The following PRKCB variants were observed in gnomAD, a reference collection of about 807,000 sequenced individuals.
PRKCB encodes the protein protein kinase C beta.
A neutral mutation model predicts 81.5 loss-of-function variants in PRKCB; 13 were observed. That is an observed-to-expected ratio of 0.16 (90% CI 0.10 to 0.25). The LOEUF (loss-of-function observed/expected upper bound fraction) is 0.25, where lower values mean the gene tolerates loss of function less well. Ranked by LOEUF, PRKCB falls within the 10% of genes least tolerant of loss-of-function variation. PRKCB has a pLI of 1.00. For synonymous variants in PRKCB, 335 were observed against 321.4 expected, an observed-to-expected ratio of 1.04 and a Z score of -0.45; for missense variants, 509 against 875.7, an observed-to-expected ratio of 0.58 and a Z score of 5.29.
chr16:24,066,410 T>A (rs1966035290), intron 5 of PRKCB, among the ~76,000 whole-genome samples: 1 of 152,190 alleles, frequency 6.6e-6, no homozygotes, highest in Admixed American at 6.6e-5. Flanking sequence ...ATGCATTGAG[T>A]TATTAATTTT....
chr16:24,219,698 A>T lies in PRKCB; in HGVS notation c.*4882A>T. 1 of 1,281,784 alleles carries T rather than the reference A, an allele frequency of 7.8e-7. No homozygotes were observed. Among genetic ancestry groups the T allele is most frequent in the Non-Finnish European group, 9.9e-7 (1 of 1,008,310 alleles). 79.4% of individuals were successfully genotyped at this position (1,281,784 alleles called of 1,614,324 possible). A position where few individuals can be genotyped will look rare whatever the true frequency, so the allele number is the denominator to read the frequency against. The stretch of plus-strand genomic sequence containing the variant: ...CACACACACACACACACACACACAC[A>T]CACACCACTTTATGGCAATTCTTAA... On this transcript the variant is annotated 3_prime_UTR_variant, in exon 17 of 17. Coordinates refer to ENST00000643927, the MANE Select transcript of PRKCB (RefSeq NM_002738.7).
intron 9 of PRKCB, among the ~76,000 whole-genome samples, chr16:24,138,497 A>G (rs992254854): frequency 2.6e-5 from 4 of 152,352 alleles, no homozygotes; most frequent in Admixed American, 6.5e-5. Flanking sequence ...CAAATATAAC[A>G]TAGGATTCAA....
At chr16:24,008,232 A>G (rs903601524) in intron 3 of PRKCB, among the ~76,000 whole-genome samples, 9 of 152,296 alleles carry the variant, frequency 5.9e-5, no homozygotes, top group Non-Finnish European at 1.3e-4. Flanking sequence ...CTATGCTCTT[A>G]CCTAGTACCT....
chr16:24,084,067 C>T (rs1428219546), intron 5 of PRKCB, among the ~76,000 whole-genome samples: 2 of 151,894 alleles, frequency 1.3e-5, no homozygotes, highest in African/African-American at 4.8e-5. Flanking sequence ...TAGAGGAGTG[C>T]CTACTGCAGA....
chr16:24,000,358 C>G (rs1036966278), intron 3 of PRKCB, among the ~76,000 whole-genome samples: 2 of 152,174 alleles, frequency 1.3e-5, no homozygotes, highest in African/African-American at 4.8e-5. Flanking sequence ...CCACCTCTAG[C>G]TATAAGTGGT....
Position 23,984,061 on chromosome 16 carries a change from A to G in PRKCB, c.206-4447A>G, listed in dbSNP as rs76289073. Among the ~76,000 whole-genome samples the G allele has an allele frequency of 5.9e-3, 896 of 152,338 alleles. 3 individuals carry two copies. Among genetic ancestry groups the G allele is most frequent in the African/African-American group, 0.01 (429 of 41,562 alleles). ...ACTTGATACAATGATGGGACTAAAT[A>G]TAAAACATAGGATGCAGCCAAAACT... On this transcript the variant is annotated intron_variant, in intron 2 of 16. Transcript: ENST00000643927.
At chr16:24,059,663 T>C (rs1193499864) in intron 5 of PRKCB, among the ~76,000 whole-genome samples, 1 of 151,966 alleles carries the variant, frequency 6.6e-6, no homozygotes, top group Non-Finnish European at 1.5e-5. Context: ...TGACACCCTA[T>C]CTCGAATAAT....
intron 2 of PRKCB, among the ~76,000 whole-genome samples, chr16:23,861,546 T>TG (rs1962663981): frequency 1.3e-5 from 2 of 152,176 alleles, no homozygotes; most frequent in African/African-American, 4.8e-5. Flanking sequence ...AATCAAAGAC[T>TG]TAACACTGTC....
At chr16:23,980,117 C>T (rs1194186871) in intron 2 of PRKCB, among the ~76,000 whole-genome samples, 2 of 152,214 alleles carry the variant, frequency 1.3e-5, no homozygotes, top group Non-Finnish European at 2.9e-5. Flanking sequence ...ATAGCACCTT[C>T]CTCACAGGAC....
Position 24,009,303 on chromosome 16 carries a change from C to G in PRKCB, c.288+20713C>G, listed in dbSNP as rs968670571. On this transcript the variant is annotated intron_variant, in intron 3 of 16. Transcript: ENST00000643927. ...CTAAGGACTTGAATAGGCAGTTGTCCGAGGAAGACATACAAATGACCAAAA... is the reference window on the plus strand; with the variant it reads ...CTAAGGACTTGAATAGGCAGTTGTCGGAGGAAGACATACAAATGACCAAAA... Among the ~76,000 whole-genome samples the G allele has an allele frequency of 5.9e-5, 9 of 152,022 alleles. No individual in the cohort carries two copies. The East Asian group carries it at 1.4e-3, about 23-fold the overall frequency.
At chr16:24,182,207 C>T (rs935207537) in intron 13 of PRKCB, among the ~76,000 whole-genome samples, 16 of 151,970 alleles carry the variant, frequency 1.1e-4, no homozygotes, top group African/African-American at 3.4e-4. Flanking sequence ...AGTTTAGAGT[C>T]GTGAGGGAGC....
chr16:23,847,551 A>C lies in PRKCB; in HGVS notation c.205+10145A>C, dbSNP rs12447841. On this transcript the variant is annotated intron_variant, in intron 2 of 16. Coordinates refer to ENST00000643927, the MANE Select transcript of PRKCB (RefSeq NM_002738.7). ...AGCTATTCTTCCATTCATCCATCCAACCATCCATCCATCCATCCATCCATC... is the reference window on the plus strand; with the variant it reads ...AGCTATTCTTCCATTCATCCATCCACCCATCCATCCATCCATCCATCCATC... Among the ~76,000 whole-genome samples, 81 of 68,372 alleles carry C rather than the reference A, an allele frequency of 1.2e-3. 2 individuals are homozygous for C. In the South Asian group the frequency reaches 0.028, roughly 24 times the overall value. 44.9% of individuals were successfully genotyped at this position (68,372 alleles called of 152,430 possible). A position where few individuals can be genotyped will look rare whatever the true frequency, so the allele number is the denominator to read the frequency against.
chr16:23,946,352 A>G (rs1257413382), intron 2 of PRKCB, among the ~76,000 whole-genome samples: 1 of 152,184 alleles, frequency 6.6e-6, no homozygotes, highest in African/African-American at 2.4e-5. Flanking sequence ...AGGTACCCTG[A>G]AGTGGTACCT....
Position 23,899,706 on chromosome 16 carries a change from C to T in PRKCB, c.205+62300C>T, listed in dbSNP as rs1363633794. 2.6e-5 allele frequency among the ~76,000 whole-genome samples: 2 copies of T among 77,560 alleles called. 1 individual carries two copies. Among genetic ancestry groups the T allele is most frequent in the African/African-American group, 7.6e-5 (2 of 26,396 alleles). 50.9% of individuals were successfully genotyped at this position (77,560 alleles called of 152,430 possible). A position where few individuals can be genotyped will look rare whatever the true frequency, so the allele number is the denominator to read the frequency against. On this transcript the variant is annotated intron_variant, in intron 2 of 16. Transcript: ENST00000643927. ...CTGGGCTGGAGTGCAGTGATGCGAC[C>T]ATGGCTCACTATATTCAAAATCCTG...
chr16:24,125,002 T>C (rs1218026207), intron 9 of PRKCB, among the ~76,000 whole-genome samples: 1 of 152,218 alleles, frequency 6.6e-6, no homozygotes, highest in African/African-American at 2.4e-5. Context: ...CAGAAACTCC[T>C]CAGTGGTTTC....
chr16:24,125,517 T>C (rs1018562434), intron 9 of PRKCB, among the ~76,000 whole-genome samples: 2 of 152,242 alleles, frequency 1.3e-5, no homozygotes, highest in Admixed American at 1.3e-4. Context: ...CCACTTCTTC[T>C]GAAAAATCTT....
At chr16:24,024,637 C>G (rs567218759) in intron 3 of PRKCB, among the ~76,000 whole-genome samples, 1 of 152,174 alleles carries the variant, frequency 6.6e-6, no homozygotes, top group Non-Finnish European at 1.5e-5. Flanking sequence ...AATTAGCAGC[C>G]TCAGCCCTGG....
intron 10 of PRKCB, among the ~76,000 whole-genome samples, chr16:24,170,519 A>C (rs934173044): frequency 6.6e-6 from 1 of 151,926 alleles, no homozygotes; most frequent in Non-Finnish European, 1.5e-5. Flanking sequence ...CGTAAAGGAG[A>C]GATTTCACCC....
intron 15 of PRKCB, among the ~76,000 whole-genome samples, chr16:24,189,366 C>T (rs191319760): frequency 2.0e-5 from 3 of 152,240 alleles, no homozygotes; most frequent in African/African-American, 7.2e-5. Context: ...CAGCTCGGCG[C>T]GGTGGCTCTT....
Sources: gnomAD v4.1 joint callset for allele counts (sites outside exome capture counted in the v4.1 genomes callset) on GRCh38, gnomAD v4.1.1 for gene constraint, MANE v1.5 for transcripts, NCBI Gene and HGNC (gene_info 2026-07-23, HGNC 2026-07-21) for gene names.